The following SLC22A23 variants were observed in gnomAD, a reference collection of about 807,000 sequenced individuals.
SLC22A23 encodes ion transporter protein.
In SLC22A23, 26 loss-of-function variants were observed where a neutral mutation model predicts 61.0. The observed-to-expected ratio is 0.43, with a 90% CI of 0.31 to 0.59. The LOEUF is 0.59. Among genes scored for constraint, SLC22A23 ranks in the 20% least tolerant of loss-of-function variants. The pLI is 0.11. For synonymous variants in SLC22A23, 430 were observed against 413.9 expected (o/e 1.04, Z -0.47); for missense variants, 796 against 934.7 (o/e 0.85, Z 1.94).
intron 1 of SLC22A23, among the ~76,000 whole-genome samples, chr6:3,428,616 A>C (rs1241367487): frequency 6.6e-6 from 1 of 152,198 alleles, no homozygotes; most frequent in Non-Finnish European, 1.5e-5. Context: ...TCCATTCAGC[A>C]TTCCCCAATT....
chr6:3,392,642 G>A (rs947273174), intron 3 of SLC22A23, among the ~76,000 whole-genome samples: 1 of 152,178 alleles, frequency 6.6e-6, no homozygotes, highest in Non-Finnish European at 1.5e-5. Flanking sequence ...ATGTAATTTG[G>A]AGGAAGAACT....
chr6:3,297,449 T>C lies in SLC22A23; in HGVS notation c.1210+642A>G, dbSNP rs1226235049. ...TTCTAGTGCTTATTAGAAATGCAAG[T>C]TCTCAGGGCTTATCCCAAATCTAAC... On this transcript the variant is annotated intron_variant, in intron 5 of 9. Transcript: ENST00000406686. The surrounding 1 kb of genome is among the most constrained non-coding windows in gnomAD (Gnocchi z 4.3). Among the ~76,000 whole-genome samples the C allele has an allele frequency of 2.6e-5, 4 of 152,242 alleles. No individual in the cohort carries two copies. In the East Asian group the frequency reaches 7.7e-4, roughly 29 times the overall value.
In SLC22A23 at chr6:3,454,040, T is replaced by C. The variant is rs1581913174; in HGVS notation, c.654+1866A>G. 6.6e-6 allele frequency among the ~76,000 whole-genome samples: 1 copy of C among 152,210 alleles called. No homozygotes were observed. Among genetic ancestry groups the C allele is most frequent in the African/African-American group, 2.4e-5 (1 of 41,452 alleles). On this transcript the variant is annotated intron_variant, in intron 1 of 9. Coordinates refer to ENST00000406686, the MANE Select transcript of SLC22A23 (RefSeq NM_015482.2). This position sits in a 1 kb window ranked among gnomAD's most constrained non-coding sequence, Gnocchi z 4.3. ...ACAGAACACTGGGAAGGCAGTCCTT[T>C]ATTTAGATCTTTTTTGTCTGTGAAA...
intron 3 of SLC22A23, among the ~76,000 whole-genome samples, chr6:3,400,714 G>C (rs757618429): frequency 3.3e-5 from 5 of 152,228 alleles, no homozygotes; most frequent in Admixed American, 1.3e-4. Flanking sequence ...GTTTCCGTGT[G>C]ATCACACGCA....
chr6:3,419,835 T>C (rs1161349298), intron 1 of SLC22A23, among the ~76,000 whole-genome samples: 2 of 152,200 alleles, frequency 1.3e-5, no homozygotes, highest in African/African-American at 4.8e-5. Flanking sequence ...TGAACCTTGT[T>C]CTCTGGTCAA....
At chr6:3,303,068 TA>T (rs1761730340) in intron 4 of SLC22A23, 1 of 152,072 alleles carries the variant, frequency 6.6e-6, no homozygotes, top group Non-Finnish European at 1.5e-5. Context: ...AGACATTTCT[TA>T]AAAGACACAA....
intron 1 of SLC22A23, among the ~76,000 whole-genome samples, chr6:3,449,513 TGAA>T (rs1406044183): frequency 4.0e-5 from 6 of 151,854 alleles, no homozygotes; most frequent in African/African-American, 1.2e-4. Context: ...GCAAAGGAAA[TGAA>T]GAGACTGTTC....
At chr6:3,376,595 T>C (rs1766585556) in intron 3 of SLC22A23, among the ~76,000 whole-genome samples, 1 of 152,236 alleles carries the variant, frequency 6.6e-6, no homozygotes, top group Non-Finnish European at 1.5e-5. Context: ...TTCTCCTAAA[T>C]TTCCAAAGAC....
intron 3 of SLC22A23, among the ~76,000 whole-genome samples, chr6:3,389,829 C>CT (rs1397791345): frequency 6.6e-6 from 1 of 152,244 alleles, no homozygotes; most frequent in Admixed American, 6.5e-5. Context: ...CAGGCTGCTG[C>CT]CAGCTGCTTG....
intron 3 of SLC22A23, among the ~76,000 whole-genome samples, chr6:3,380,036 C>T (rs1161962767): frequency 6.6e-6 from 1 of 152,086 alleles, no homozygotes. Flanking sequence ...AATGTGAGAA[C>T]ATAATGAGGG....
At position 3,390,634 on chromosome 6, in the gene SLC22A23, G is replaced by A. The variant is rs1767603687; in HGVS notation, c.913+19554C>T. On this transcript the variant is annotated intron_variant, in intron 3 of 9. Coordinates refer to ENST00000406686, the MANE Select transcript of SLC22A23 (RefSeq NM_015482.2). The surrounding 1 kb of genome is among the most constrained non-coding windows in gnomAD (Gnocchi z 4.0). ...CTAATGCAGAGATGTACACACTGGGGCCACTATGGTTCTATTTCACTATGG... is the reference window on the plus strand; with the variant it reads ...CTAATGCAGAGATGTACACACTGGGACCACTATGGTTCTATTTCACTATGG... 6.6e-6 allele frequency among the ~76,000 whole-genome samples: 1 copy of A among 152,174 alleles called. No homozygotes were observed.
intron 4 of SLC22A23, among the ~76,000 whole-genome samples, chr6:3,303,654 T>C (rs72839357): frequency 0.28 from 41,990 of 151,850 alleles, 7,061 homozygotes; most frequent in Non-Finnish European, 0.38. Flanking sequence ...AAAGATGATC[T>C]CATAGAAGTG....
intron 3 of SLC22A23, among the ~76,000 whole-genome samples, chr6:3,401,851 A>C (rs1293904684): frequency 6.6e-6 from 1 of 152,120 alleles, no homozygotes; most frequent in Non-Finnish European, 1.5e-5. Flanking sequence ...TGAACTTCTG[A>C]ATAACAAATC....
chr6:3,348,922 TCTTCC>T (rs1561914887), intron 3 of SLC22A23, among the ~76,000 whole-genome samples: 1 of 152,224 alleles, frequency 6.6e-6, no homozygotes. Context: ...ACTGGTACTG[TCTTCC>T]CTTCCAACTG....
intron 3 of SLC22A23, among the ~76,000 whole-genome samples, chr6:3,378,425 C>T (rs1766722724): frequency 6.6e-6 from 1 of 152,180 alleles, no homozygotes; most frequent in Non-Finnish European, 1.5e-5. Context: ...TACAAAGCGA[C>T]CATTGCTGCT....
rs1761183301 is a variant in SLC22A23, at chr6:3,297,191, C to T, written c.1210+900G>A. Among the ~76,000 whole-genome samples the T allele has an allele frequency of 6.6e-6, 1 of 152,244 alleles. No homozygotes were observed. The highest frequency in any genetic ancestry group is 6.5e-5 in the Admixed American group (1 of 15,288). Reference sequence around the variant, plus strand: ...AGAATAGCGCCTGAAACACAGCAGGCATCTAGTAAACACGTGTTGGTTTAC... The same window carrying T: ...AGAATAGCGCCTGAAACACAGCAGGTATCTAGTAAACACGTGTTGGTTTAC... On this transcript the variant is annotated intron_variant, in intron 5 of 9. Transcript: ENST00000406686. This position sits in a 1 kb window ranked among gnomAD's most constrained non-coding sequence, Gnocchi z 4.3.
chr6:3,416,975 C>A (rs9392491), intron 1 of SLC22A23, among the ~76,000 whole-genome samples: 1 of 151,942 alleles, frequency 6.6e-6, no homozygotes, highest in African/African-American at 2.4e-5. Flanking sequence ...TGTCTCCCCC[C>A]GCCCCTTGTC....
intron 3 of SLC22A23, among the ~76,000 whole-genome samples, chr6:3,381,182 C>G (rs1766928638): frequency 1.3e-5 from 2 of 151,928 alleles, no homozygotes; most frequent in South Asian, 4.2e-4. Flanking sequence ...AACTGAAGTC[C>G]CTTCCCGTGG....
chr6:3,321,630 G>A (rs1201329783), intron 4 of SLC22A23, among the ~76,000 whole-genome samples: 1 of 151,962 alleles, frequency 6.6e-6, no homozygotes, highest in Non-Finnish European at 1.5e-5. Flanking sequence ...GGTCAGCCCT[G>A]CATAACTGGA....
Sources: allele counts gnomAD v4.1 joint callset (sites outside exome capture counted in the v4.1 genomes callset), GRCh38; gene constraint gnomAD v4.1.1; non-coding constraint Gnocchi (gnomAD v3.1); transcripts MANE v1.5; gene names NCBI Gene and HGNC (gene_info 2026-07-23, HGNC 2026-07-21).